SHTN1: variants seen among roughly 807,000 people sequenced by gnomAD.
The protein encoded by SHTN1 is shootin 1, also known as shootin-1.
Under a neutral mutation model 83.1 loss-of-function variants are expected in SHTN1, and 42 were observed. The observed-to-expected ratio is 0.51, with a 90% CI of 0.39 to 0.65. The LOEUF is 0.65. SHTN1 is among the 30% of genes least tolerant of loss of function. The pLI, the probability that SHTN1 is intolerant of heterozygous loss-of-function variation, is 0.00. For synonymous variants in SHTN1, 224 were observed against 247.7 expected (o/e 0.90, Z 0.90); for missense variants, 622 against 737.8 (o/e 0.84, Z 1.82).
chr10:117,021,705 A>G (rs551613893), intron 2 of SHTN1, among the ~76,000 whole-genome samples: 1 of 152,328 alleles, frequency 6.6e-6, no homozygotes, highest in African/African-American at 2.4e-5. Flanking sequence ...TATCCATACA[A>G]GAACTTATAG....
At chr10:117,113,944 G>A (rs966381515) in intron 1 of SHTN1, among the ~76,000 whole-genome samples, 2 of 152,200 alleles carry the variant, frequency 1.3e-5, no homozygotes, top group Non-Finnish European at 2.9e-5. Flanking sequence ...CTGCTCGGGA[G>A]GCTGAGGCAA....
chr10:117,026,972 A>G lies in SHTN1; in HGVS notation c.-123+21473T>C, dbSNP rs76360175. Among the ~76,000 whole-genome samples, 711 of 152,312 alleles carry G rather than the reference A, an allele frequency of 4.7e-3. 3 individuals are homozygous for G. The highest frequency in any genetic ancestry group is 0.016 in the African/African-American group (648 of 41,582). ...ACTTCTTTGACCCAGCACAGTCCCAATGATGTTGGCTACAAGGGTGCTTGT... is the reference window on the plus strand; with the variant it reads ...ACTTCTTTGACCCAGCACAGTCCCAGTGATGTTGGCTACAAGGGTGCTTGT... On this transcript the variant is annotated intron_variant, in intron 2 of 17. Coordinates refer to the SHTN1 transcript ENST00000392901.
intron 3 of SHTN1, 88 bp from the exon 4 acceptor site, chr10:116,960,318 C>A (rs1850140825): frequency 2.7e-6 from 2 of 734,762 alleles, no homozygotes; most frequent in South Asian, 3.3e-5. Flanking sequence ...ATTAAGAATA[C>A]TTCAATTCTT....
chr10:116,941,521 A>C (rs1425874942), intron 8 of SHTN1, among the ~76,000 whole-genome samples: 1 of 152,178 alleles, frequency 6.6e-6, no homozygotes, highest in African/African-American at 2.4e-5. Flanking sequence ...TAAACTCTGA[A>C]ATCTGGCCTA....
intron 3 of SHTN1, among the ~76,000 whole-genome samples, chr10:116,963,680 T>A (rs552901195): frequency 6.6e-6 from 1 of 152,210 alleles, no homozygotes; most frequent in South Asian, 2.1e-4. Context: ...TCAGTGACAG[T>A]GGGTGTATGG....
intron 1 of SHTN1, among the ~76,000 whole-genome samples, chr10:117,093,152 C>T (rs1394835882): frequency 6.6e-6 from 1 of 152,152 alleles, no homozygotes; most frequent in African/African-American, 2.4e-5. Flanking sequence ...TATATACTAC[C>T]ATCATCCCAT....
At chr10:117,031,015 G>A (rs142027484) in intron 2 of SHTN1, among the ~76,000 whole-genome samples, 3,387 of 152,070 alleles carry the variant, frequency 0.022, 111 homozygotes, top group East Asian at 0.11. Context: ...GAAGGTTATA[G>A]AACACCAAGC....
chr10:116,962,284 A>G (rs1279218116), intron 3 of SHTN1, among the ~76,000 whole-genome samples: 1 of 151,946 alleles, frequency 6.6e-6, no homozygotes, highest in Non-Finnish European at 1.5e-5. Context: ...CATCAATATA[A>G]TTGCCTTTTA....
At chr10:116,899,505 T>TGG (rs1035576265) in intron 16 of SHTN1, among the ~76,000 whole-genome samples, 104 of 101,956 alleles carry the variant, frequency 1.0e-3, no homozygotes, top group African/African-American at 4.7e-3. Context: ...TGGCTGGGGC[T>TGG]GGTGTGTGTG....
In SHTN1 at chr10:116,884,506, A is replaced by G; in HGVS notation, c.*1838T>C. 3.0e-6 allele frequency: 1 copy of G among 330,798 alleles called. No individual in the cohort carries two copies. The highest frequency in any genetic ancestry group is 6.0e-6 in the Non-Finnish European group (1 of 166,114). The allele number at this position is 330,798 out of a possible 1,614,324, so 20.5% of individuals were successfully genotyped here. On this transcript the variant is annotated 3_prime_UTR_variant, in exon 17 of 17. Coordinates refer to ENST00000355371, the MANE Select transcript of SHTN1 (RefSeq NM_001127211.3). ...CACCCAAAGGGCAACTTCTTACTCTAGAAAGGAGGGTATTTTGATAACCAT... is the reference window on the plus strand; with the variant it reads ...CACCCAAAGGGCAACTTCTTACTCTGGAAAGGAGGGTATTTTGATAACCAT...
At chr10:117,113,291 G>A (rs1164659329) in intron 1 of SHTN1, among the ~76,000 whole-genome samples, 1 of 152,210 alleles carries the variant, frequency 6.6e-6, no homozygotes, top group African/African-American at 2.4e-5. Context: ...GGGAAAAGGT[G>A]AAGGGCCATC....
chr10:116,998,303 CTT>C (rs1851702494), intron 1 of SHTN1, among the ~76,000 whole-genome samples: 1 of 152,150 alleles, frequency 6.6e-6, no homozygotes, highest in African/African-American at 2.4e-5. Context: ...TCCATCGGCT[CTT>C]GTGTCTCTGA....
chr10:117,035,213 T>G (rs1852477016), intron 2 of SHTN1, among the ~76,000 whole-genome samples: 1 of 152,126 alleles, frequency 6.6e-6, no homozygotes. Context: ...TCAACAAAGG[T>G]GCCAAGAACA....
Position 116,886,215 on chromosome 10 carries a change from CCAGAA to C in SHTN1, c.*124_*128del. 7.7e-7 allele frequency: 1 copy of C among 1,299,490 alleles called. No individual in the cohort carries two copies. Among genetic ancestry groups the C allele is most frequent in the Non-Finnish European group, 1.0e-6 (1 of 959,448 alleles). The allele number at this position is 1,299,490 out of a possible 1,614,324, so 80.5% of individuals were successfully genotyped here. A position where few individuals can be genotyped will look rare whatever the true frequency, so the allele number is the denominator to read the frequency against. On this transcript the variant is annotated 3_prime_UTR_variant, in exon 17 of 17. Transcript: ENST00000355371. ...ATAGTTGCTACTTACAAAAGTGACACCAGAAAAGAACCTGTATTCTGAATACAGTG... is the reference window on the plus strand; with the variant it reads ...ATAGTTGCTACTTACAAAAGTGACACAAGAACCTGTATTCTGAATACAGTG...
At chr10:117,101,558 C>T (rs1034415617) in intron 1 of SHTN1, among the ~76,000 whole-genome samples, 1 of 152,070 alleles carries the variant, frequency 6.6e-6, no homozygotes, top group Non-Finnish European at 1.5e-5. Context: ...GACGAATTCT[C>T]AAGTGAAAGA....
rs1847086259 is a variant in SHTN1 at position 116,883,673 on chromosome 10, C to T, written c.*2671G>A. 2 of 153,510 alleles carry T rather than the reference C, an allele frequency of 1.3e-5. No individual in the cohort carries two copies. The highest frequency in any genetic ancestry group is 2.9e-5 in the Non-Finnish European group (2 of 68,912). The allele number at this position is 153,510 out of a possible 1,614,324, so 9.5% of individuals were successfully genotyped here. ...AATTGTTACCTGTACTACTCCATTT[C>T]CAGCAGTTTACCATTAACAAAGAAG... is the stretch of plus-strand genomic sequence containing the variant. On this transcript the variant is annotated 3_prime_UTR_variant, in exon 17 of 17. Coordinates refer to ENST00000355371, the MANE Select transcript of SHTN1 (RefSeq NM_001127211.3).
rs1847133088 is a variant in SHTN1, at chr10:116,885,343, A to G, written c.*1001T>C. ...CCAATTTTGAAACAATCAACTTTGAAAAGCTGCATAAGTTTTTTTTTTAAT... is the reference window on the plus strand; with the variant it reads ...CCAATTTTGAAACAATCAACTTTGAGAAGCTGCATAAGTTTTTTTTTTAAT... On this transcript the variant is annotated 3_prime_UTR_variant, in exon 17 of 17. Transcript: ENST00000355371. The G allele has an allele frequency of 6.6e-6, 1 of 152,646 alleles. No homozygotes were observed. Among genetic ancestry groups the G allele is most frequent in the African/African-American group, 2.4e-5 (1 of 41,456 alleles). 9.5% of individuals were successfully genotyped at this position (152,646 alleles called of 1,614,324 possible). A position where few individuals can be genotyped will look rare whatever the true frequency, so the allele number is the denominator to read the frequency against.
intron 1 of SHTN1, among the ~76,000 whole-genome samples, chr10:117,089,600 T>C (rs1427203173): frequency 6.6e-6 from 1 of 151,912 alleles, no homozygotes; most frequent in East Asian, 1.9e-4. Context: ...CTGAACTACA[T>C]CAAGATTAAG....
intron 1 of SHTN1, among the ~76,000 whole-genome samples, chr10:116,981,924 T>C (rs955381374): frequency 3.3e-5 from 5 of 152,102 alleles, no homozygotes; most frequent in African/African-American, 7.2e-5. Flanking sequence ...CTGGGCGTGG[T>C]AGCGCGCACC....
Sources: allele counts gnomAD v4.1 joint callset (sites outside exome capture counted in the v4.1 genomes callset), GRCh38; gene constraint gnomAD v4.1.1; transcripts MANE v1.5; gene names NCBI Gene and HGNC (gene_info 2026-07-23, HGNC 2026-07-21).